Variants in IMMP2L observed in about 807,000 individuals in gnomAD.
IMMP2L encodes the protein inner mitochondrial membrane peptidase subunit 2, also known as mitochondrial inner membrane protease subunit 2.
Under a neutral mutation model 19.3 loss-of-function variants are expected in IMMP2L, and 18 were observed. That is an observed-to-expected ratio of 0.93 (90% CI 0.64 to 1.38). IMMP2L has a LOEUF of 1.38. Ranked by LOEUF, IMMP2L falls within the 40% of genes most tolerant of loss-of-function variation. IMMP2L has a pLI of 0.00. For missense variants in IMMP2L, 233 were observed against 218.2 expected (o/e 1.07, Z -0.43); for synonymous variants, 76 against 73.0 (o/e 1.04, Z -0.21).
intron 3 of IMMP2L, among the ~76,000 whole-genome samples, chr7:111,169,519 A>ACATGTCC (rs1363828155): frequency 6.6e-6 from 1 of 151,834 alleles, no homozygotes; most frequent in African/African-American, 2.4e-5. Context: ...CTGAGGGAGA[A>ACATGTCC]CATGTCCCAC....
chr7:111,506,387 CCCAAAACTACA>C (rs2132511669), intron 2 of IMMP2L, among the ~76,000 whole-genome samples: 1 of 152,058 alleles, frequency 6.6e-6, no homozygotes, highest in African/African-American at 2.4e-5. Flanking sequence ...TTCCATTCCC[CCCAAAACTACA>C]TCCATATCTT....
intron 5 of IMMP2L, among the ~76,000 whole-genome samples, chr7:110,693,691 CAT>C (rs1793669047): frequency 6.6e-6 from 1 of 152,122 alleles, no homozygotes; most frequent in African/African-American, 2.4e-5. Context: ...GAAAAAAATC[CAT>C]AGACACCAGA....
At chr7:111,476,708 A>G (rs889419325) in intron 3 of IMMP2L, among the ~76,000 whole-genome samples, 19 of 152,232 alleles carry the variant, frequency 1.2e-4, no homozygotes, top group Non-Finnish European at 2.1e-4. Context: ...TCTTTGATTG[A>G]AGGTTATTCT....
chr7:111,036,160 A>T (rs949947358), intron 3 of IMMP2L, among the ~76,000 whole-genome samples: 20 of 152,318 alleles, frequency 1.3e-4, no homozygotes, highest in African/African-American at 4.8e-4. Flanking sequence ...AACTAACATA[A>T]GAAACACAAA....
At chr7:111,299,638 AAAAAT>A (rs1280759225) in intron 3 of IMMP2L, among the ~76,000 whole-genome samples, 1 of 151,978 alleles carries the variant, frequency 6.6e-6, no homozygotes, top group Admixed American at 6.6e-5. Context: ...GGATCTTTTG[AAAAAT>A]AAAATATTAA....
chr7:111,397,820 ACTTTAT>A (rs1257595054), intron 3 of IMMP2L, among the ~76,000 whole-genome samples: 2 of 151,866 alleles, frequency 1.3e-5, no homozygotes, highest in African/African-American at 2.4e-5. Flanking sequence ...GTTCTCATTC[ACTTTAT>A]CATTTCATGT....
rs920721018 is a variant in IMMP2L at position 110,758,444 on chromosome 7, G to A, written c.409-94723C>T. On this transcript the variant is annotated intron_variant, in intron 5 of 5. Coordinates refer to ENST00000405709, the MANE Select transcript of IMMP2L (RefSeq NM_032549.4). This position sits in a 1 kb window ranked among gnomAD's most constrained non-coding sequence, Gnocchi z 4.6. ...CTATTGGAAAAGATCTTATAGACAG[G>A]ATAATATTGATGACTCAGGAGAGAG... Among the ~76,000 whole-genome samples, 8 of 152,056 alleles carry A rather than the reference G, an allele frequency of 5.3e-5. No individual in the cohort carries two copies. Among genetic ancestry groups the A allele is most frequent in the Non-Finnish European group, 1.2e-4 (8 of 67,994 alleles).
chr7:111,557,741 A>G (rs1791537175), intron 1 of IMMP2L, among the ~76,000 whole-genome samples: 1 of 152,186 alleles, frequency 6.6e-6, no homozygotes. Flanking sequence ...TTGGTCAAAG[A>G]TGACTTTTCA....
At chr7:110,729,035 C>T (rs1301381797) in intron 5 of IMMP2L, among the ~76,000 whole-genome samples, 1 of 147,322 alleles carries the variant, frequency 6.8e-6, no homozygotes, top group African/African-American at 2.4e-5. Context: ...CAGGCACATG[C>T]CACTATGCCT....
Position 111,414,537 on chromosome 7 carries a change from T to C in IMMP2L, c.239+72701A>G, listed in dbSNP as rs970368230. Among the ~76,000 whole-genome samples the C allele has an allele frequency of 2.0e-5, 3 of 151,748 alleles. No homozygotes were observed. The East Asian group carries it at 5.8e-4, about 29-fold the overall frequency. ...CAGGAGGAAGATAGAGATGAATAGG[T>C]AGGAGCATGGGATTTTTAGGGAAGT... On this transcript the variant is annotated intron_variant, in intron 3 of 5. Coordinates refer to ENST00000405709, the MANE Select transcript of IMMP2L (RefSeq NM_032549.4).
chr7:110,732,011 A>G (rs1272950885), intron 5 of IMMP2L, among the ~76,000 whole-genome samples: 2 of 152,346 alleles, frequency 1.3e-5, no homozygotes, highest in Middle Eastern at 3.4e-3. Flanking sequence ...CTATAAGAGC[A>G]TACAAGAGGG....
At chr7:111,549,063 A>T (rs1012124175) in intron 1 of IMMP2L, among the ~76,000 whole-genome samples, 1 of 152,198 alleles carries the variant, frequency 6.6e-6, no homozygotes, top group African/African-American at 2.4e-5. Flanking sequence ...GACAAGGCTT[A>T]ATCAGTGAGA....
At chr7:111,133,233 T>A (rs1257765620) in intron 3 of IMMP2L, among the ~76,000 whole-genome samples, 2 of 151,802 alleles carry the variant, frequency 1.3e-5, no homozygotes, top group African/African-American at 4.8e-5. Flanking sequence ...AGTGAAAAGG[T>A]AAATACCAAC....
intron 3 of IMMP2L, among the ~76,000 whole-genome samples, chr7:111,265,951 C>CCCTA (rs1817786592): frequency 6.6e-6 from 1 of 152,160 alleles, no homozygotes; most frequent in South Asian, 2.1e-4. Context: ...GTGAGGCCTT[C>CCCTA]CCTAACCAAT....
chr7:110,915,829 T>C (rs995681356), intron 4 of IMMP2L, among the ~76,000 whole-genome samples: 1 of 152,210 alleles, frequency 6.6e-6, no homozygotes, highest in Non-Finnish European at 1.5e-5. Flanking sequence ...AAACTGTTGA[T>C]AGGCTTTAGA....
chr7:111,346,986 A>T (rs948620217), intron 3 of IMMP2L, among the ~76,000 whole-genome samples: 5 of 152,138 alleles, frequency 3.3e-5, no homozygotes, highest in Non-Finnish European at 5.9e-5. Context: ...GGGTTTAAAA[A>T]GTCTCTGTCT....
chr7:111,382,312 T>C (rs181061824), intron 3 of IMMP2L, among the ~76,000 whole-genome samples: 281 of 151,862 alleles, frequency 1.9e-3, no homozygotes, highest in African/African-American at 3.0e-3. Flanking sequence ...AAAAGAAAAG[T>C]ACATAATTTC....
intron 5 of IMMP2L, among the ~76,000 whole-genome samples, chr7:110,857,279 G>A (rs1806895308): frequency 1.3e-5 from 2 of 152,042 alleles, no homozygotes; most frequent in Non-Finnish European, 2.9e-5. Flanking sequence ...CTGGCCTTTT[G>A]TCTAGCCTAG....
intron 3 of IMMP2L, among the ~76,000 whole-genome samples, chr7:111,325,525 T>A (rs1046220121): frequency 6.6e-6 from 1 of 151,734 alleles, no homozygotes; most frequent in South Asian, 2.1e-4. Flanking sequence ...GATCATCATG[T>A]GGACCTACCA....
Sources: allele counts gnomAD v4.1 joint callset (sites outside exome capture counted in the v4.1 genomes callset), GRCh38; gene constraint gnomAD v4.1.1; non-coding constraint Gnocchi (gnomAD v3.1); transcripts MANE v1.5; gene names NCBI Gene and HGNC (gene_info 2026-07-23, HGNC 2026-07-21).